Variants in CCNJL observed in about 807,000 individuals in gnomAD.
CCNJL encodes cyclin-J-like protein.
Under a neutral mutation model 33.4 loss-of-function variants are expected in CCNJL, and 33 were observed. That is an observed-to-expected ratio of 0.99 (90% CI 0.75 to 1.32). The LOEUF (loss-of-function observed/expected upper bound fraction) is 1.32. CCNJL is among the 40% of genes most tolerant of loss of function. The pLI is 0.00. For synonymous variants in CCNJL, 227 were observed against 220.9 expected (o/e 1.03, Z -0.24); for missense variants, 512 against 499.7 (o/e 1.02, Z -0.23).
At chr5:160,281,067 T>C in intron 2 of CCNJL, 1 of 378,970 alleles carries the variant, frequency 2.6e-6, no homozygotes, top group Non-Finnish European at 5.0e-6. Context: ...CCAAATTCTT[T>C]TTTTTTCCCC....
chr5:160,308,617 G>A (rs1003436583), intron 2 of CCNJL, among the ~76,000 whole-genome samples: 24 of 152,300 alleles, frequency 1.6e-4, no homozygotes, highest in African/African-American at 5.5e-4. Flanking sequence ...AATTAGCTGG[G>A]TGTGGTGGCA....
intron 3 of CCNJL, among the ~76,000 whole-genome samples, chr5:160,272,235 G>A (rs949440284): frequency 2.0e-5 from 3 of 152,226 alleles, no homozygotes; most frequent in African/African-American, 7.2e-5. Context: ...TGTTGTCAAA[G>A]AAGCTGCTTT....
At chr5:160,253,881 G>C in intron 5 of CCNJL, 83 bp from the exon 6 acceptor site, 2 of 1,124,810 alleles carry the variant, frequency 1.8e-6, no homozygotes, top group Non-Finnish European at 2.5e-6. Flanking sequence ...TTGCTAAGTG[G>C]GACTGGAAGA....
At chr5:160,289,774 T>C (rs77473680) in intron 2 of CCNJL, among the ~76,000 whole-genome samples, 5,737 of 152,246 alleles carry the variant, frequency 0.038, 212 homozygotes, top group African/African-American at 0.098. Context: ...TCCAGGCATG[T>C]GTCTGGTCCT....
chr5:160,323,254 C>G (rs950719505), intron 1 of CCNJL, among the ~76,000 whole-genome samples: 4 of 151,764 alleles, frequency 2.6e-5, no homozygotes, highest in Non-Finnish European at 5.9e-5. Flanking sequence ...AAAAAAAGTC[C>G]CTCAAAAATT....
chr5:160,309,141 T>C (rs1407489221), intron 2 of CCNJL, among the ~76,000 whole-genome samples: 1 of 152,238 alleles, frequency 6.6e-6, no homozygotes, highest in Non-Finnish European at 1.5e-5. Context: ...TGGAGGTCTT[T>C]AAGCAGAGAA....
chr5:160,253,914 C>G (rs972808297), intron 5 of CCNJL, 116 bp from the exon 6 acceptor site: 1 of 725,146 alleles, frequency 1.4e-6, no homozygotes. Flanking sequence ...CTGTGTCCAC[C>G]AGGCCTTACC....
At chr5:160,298,929 G>A (rs1165933959) in intron 2 of CCNJL, among the ~76,000 whole-genome samples, 1 of 151,966 alleles carries the variant, frequency 6.6e-6, no homozygotes, top group Non-Finnish European at 1.5e-5. Flanking sequence ...GCAGGGTAGG[G>A]GACCATTGGA....
rs375350128 is a variant in CCNJL, at chr5:160,253,329, C to T, written c.*49G>A. On this transcript the variant is annotated 3_prime_UTR_variant, in exon 6 of 6. Coordinates refer to ENST00000257536, the MANE Select transcript of CCNJL (RefSeq NM_001308173.3). ...GCTGAGCTCTCCTCTTCAGTGTCCT[C>T]TTCCTCTGCCCACATCTCCAAGGCT... 5 of 1,521,346 alleles carry T rather than the reference C, an allele frequency of 3.3e-6. No homozygotes were observed. In the African/African-American group the frequency reaches 5.5e-5, roughly 17 times the overall value. 94.2% of individuals were successfully genotyped at this position (1,521,346 alleles called of 1,614,324 possible). A position where few individuals can be genotyped will look rare whatever the true frequency, so the allele number is the denominator to read the frequency against.
intron 1 of CCNJL, among the ~76,000 whole-genome samples, chr5:160,322,066 G>A (rs1050361393): frequency 6.6e-6 from 1 of 152,146 alleles, no homozygotes; most frequent in African/African-American, 2.4e-5. Flanking sequence ...GGTGAAGGGA[G>A]TGAGGAGGGG....
intron 2 of CCNJL, among the ~76,000 whole-genome samples, chr5:160,298,308 G>A (rs558931381): frequency 1.3e-5 from 2 of 152,118 alleles, no homozygotes; most frequent in East Asian, 1.9e-4. Context: ...TGCAGTGAGC[G>A]AGGTTGCGCC....
At chr5:160,286,493 C>G (rs929398482) in intron 2 of CCNJL, among the ~76,000 whole-genome samples, 1 of 152,088 alleles carries the variant, frequency 6.6e-6, no homozygotes, top group East Asian at 1.9e-4. Flanking sequence ...CAAAAATTAG[C>G]TAGGCATGGT....
chr5:160,331,278 C>T (rs180793964), intron 1 of CCNJL, among the ~76,000 whole-genome samples: 35 of 146,766 alleles, frequency 2.4e-4, no homozygotes, highest in African/African-American at 8.6e-4. Context: ...GGCTGGAGTG[C>T]GGTGGCGTGA....
chr5:160,321,605 G>C (rs1173038614), intron 1 of CCNJL, among the ~76,000 whole-genome samples: 1 of 152,214 alleles, frequency 6.6e-6, no homozygotes, highest in African/African-American at 2.4e-5. Flanking sequence ...GATTACGCAA[G>C]TATCATTCTC....
At position 160,255,638 on chromosome 5, in the gene CCNJL, C is replaced by T. The variant is rs1032008439; in HGVS notation, c.654G>A (p.Leu218=). The T allele has an allele frequency of 6.2e-7, 1 of 1,614,072 alleles. No individual in the cohort carries two copies. Among genetic ancestry groups the T allele is most frequent in the African/African-American group, 1.3e-5 (1 of 75,066 alleles). Residue 218 remains leucine (L), a synonymous_variant, in exon 5 of 6, where the codon CTG becomes CTA. Transcript: ENST00000257536. ...AACVGASRIC[L]QLSPYWTRDL... Reference sequence around the variant, plus strand: ...CTCTGGTCCAGTAGGGAGAAAGCTGCAGGCAAATCCTGGAGGCCCCAACAC... The same window carrying T: ...CTCTGGTCCAGTAGGGAGAAAGCTGTAGGCAAATCCTGGAGGCCCCAACAC...
At chr5:160,308,788 A>C (rs1300670387) in intron 2 of CCNJL, among the ~76,000 whole-genome samples, 1 of 152,370 alleles carries the variant, frequency 6.6e-6, no homozygotes, top group Non-Finnish European at 1.5e-5. Context: ...AACAAAAAAC[A>C]GAAAAACACT....
intron 2 of CCNJL, among the ~76,000 whole-genome samples, chr5:160,303,633 G>C (rs957834206): frequency 1.3e-5 from 2 of 151,862 alleles, no homozygotes; most frequent in Non-Finnish European, 2.9e-5. Context: ...GATTGTGAGG[G>C]GAATTTTACT....
chr5:160,320,986 CTT>C (rs1442870107), intron 1 of CCNJL, among the ~76,000 whole-genome samples: 4 of 78,448 alleles, frequency 5.1e-5, no homozygotes, highest in East Asian at 3.1e-4. Flanking sequence ...CCCTCTCTCT[CTT>C]TCTTTCTTTC....
In CCNJL at chr5:160,321,074, CTTTCTTTCTTTCTTT is replaced by C. The variant is rs1763455855; in HGVS notation, n.207-5584_207-5570del. Among the ~76,000 whole-genome samples the C allele has an allele frequency of 1.8e-5, 2 of 112,144 alleles. 1 individual carries two copies. Among genetic ancestry groups the C allele is most frequent in the Admixed American group, 1.8e-4 (2 of 11,304 alleles). 73.6% of individuals were successfully genotyped at this position (112,144 alleles called of 152,430 possible). On this transcript the variant is annotated intron_variant and non_coding_transcript_variant, in intron 1 of 7. Coordinates refer to the CCNJL transcript ENST00000377503. The stretch of plus-strand genomic sequence containing the variant: ...TCTTTCTTTCTTTCTTTCTTTCTTT[CTTTCTTTCTTTCTTT>C]CCTTCTCTCTTTCTCTCTCTCTCTT...
Sources: allele counts gnomAD v4.1 joint callset (sites outside exome capture counted in the v4.1 genomes callset), GRCh38; gene constraint gnomAD v4.1.1; transcripts MANE v1.5; gene names NCBI Gene and HGNC (gene_info 2026-07-23, HGNC 2026-07-21).